Variants in DMD observed in about 807,000 individuals in gnomAD.
The protein encoded by DMD is mutant dystrophin.
Under a neutral mutation model 330.1 loss-of-function variants are expected in DMD, and 63 were observed. That is an observed-to-expected ratio of 0.19 (90% CI 0.16 to 0.24). The LOEUF is 0.24. Ranked by LOEUF, DMD falls within the 10% of genes least tolerant of loss-of-function variation. DMD has a pLI of 1.00. For synonymous variants in DMD, 1,223 were observed against 959.8 expected (o/e 1.27, Z -5.07); for missense variants, 3,344 against 2,684.1 (o/e 1.25, Z -5.43).
chrX:32,971,705 A>T, intron 2 of DMD, among the ~76,000 whole-genome samples: 1 of 110,808 alleles, frequency 9.0e-6, no homozygotes, highest in Non-Finnish European at 1.9e-5. Context: ...AATTTCTCTT[A>T]TAATTTTCTA....
intron 7 of DMD, among the ~76,000 whole-genome samples, chrX:32,733,099 C>G (rs1367161370): frequency 9.3e-6 from 1 of 107,437 alleles, no homozygotes; most frequent in Admixed American, 9.8e-5. Flanking sequence ...CAAAAAAAGG[C>G]AGGGGTTGCA....
At chrX:32,961,724 G>C (rs919269931) in intron 2 of DMD, among the ~76,000 whole-genome samples, 1 of 111,311 alleles carries the variant, frequency 9.0e-6, no homozygotes, top group African/African-American at 3.3e-5. Context: ...TGAGCTATTT[G>C]AAGGTACAGT....
chrX:32,683,387 T>G (rs969292948), intron 9 of DMD, among the ~76,000 whole-genome samples: 2 of 109,716 alleles, frequency 1.8e-5, no homozygotes, highest in African/African-American at 6.7e-5. Context: ...AGACTTGGAA[T>G]CAACCCAAAT....
intron 55 of DMD, among the ~76,000 whole-genome samples, chrX:31,512,565 T>C (rs1327136848): frequency 9.4e-6 from 1 of 106,044 alleles, no homozygotes; most frequent in East Asian, 2.9e-4. Context: ...CTAGCCAGTT[T>C]TCCCAGCACC....
At chrX:33,081,675 G>A (rs2094932336) in intron 1 of DMD, among the ~76,000 whole-genome samples, 1 of 112,180 alleles carries the variant, frequency 8.9e-6, no homozygotes, top group African/African-American at 3.2e-5. Flanking sequence ...TGATCTCCCA[G>A]TGGAGGGTGA....
At chrX:31,729,910 AT>A (rs1765227928) in intron 51 of DMD, among the ~76,000 whole-genome samples, 162 bp from the exon 52 acceptor site, 1 of 112,247 alleles carries the variant, frequency 8.9e-6, no homozygotes, top group African/African-American at 3.2e-5. Flanking sequence ...AACAGGAAAT[AT>A]GTTTCATTCT....
chrX:32,699,543 A>G (rs375312634), intron 7 of DMD, among the ~76,000 whole-genome samples: 1 of 111,759 alleles, frequency 8.9e-6, no homozygotes, highest in African/African-American at 3.2e-5. Context: ...ATTCCATATT[A>G]CTTTTTCCTA....
intron 1 of DMD, among the ~76,000 whole-genome samples, chrX:33,330,867 T>C (rs1402050916): frequency 8.9e-6 from 1 of 112,037 alleles, no homozygotes; most frequent in Admixed American, 9.5e-5. Context: ...TTGCCAGTTT[T>C]TCCACATCAC....
intron 54 of DMD, among the ~76,000 whole-genome samples, chrX:31,628,896 A>G (rs1205709767): frequency 3.1e-5 from 3 of 95,426 alleles, no homozygotes; most frequent in Non-Finnish European, 4.2e-5. Context: ...AACTCTAAAA[A>G]TGTATTCATA....
At chrX:32,674,030 T>C (rs1289526484) in intron 9 of DMD, among the ~76,000 whole-genome samples, 1 of 111,430 alleles carries the variant, frequency 9.0e-6, no homozygotes, top group Admixed American at 9.6e-5. Context: ...AGTAGAATAA[T>C]AAAGTAACAC....
At chrX:31,974,058 T>C (rs941820385) in intron 44 of DMD, among the ~76,000 whole-genome samples, 5 of 111,957 alleles carry the variant, frequency 4.5e-5, no homozygotes, top group Non-Finnish European at 9.4e-5. Context: ...GTGGTACATA[T>C]ACACCATGAA....
chrX:32,756,113 C>T (rs1358184651), intron 7 of DMD: 1 of 112,298 alleles, frequency 8.9e-6, no homozygotes, highest in East Asian at 2.8e-4. Flanking sequence ...ATCTTAGTAA[C>T]ATTTTCATAT....
intron 55 of DMD, among the ~76,000 whole-genome samples, chrX:31,536,709 A>G: frequency 9.0e-6 from 1 of 111,323 alleles, no homozygotes; most frequent in Non-Finnish European, 1.9e-5. Context: ...AGCTATGCCC[A>G]TCCTCCTTCC....
intron 2 of DMD, among the ~76,000 whole-genome samples, chrX:33,009,967 T>C (rs761181833): frequency 1.2e-4 from 7 of 60,648 alleles, no homozygotes; most frequent in African/African-American, 3.4e-4. Flanking sequence ...TATATACACA[T>C]ATGTGTGTAT....
chrX:33,118,876 C>A (rs2095406661), intron 1 of DMD, among the ~76,000 whole-genome samples: 1 of 112,023 alleles, frequency 8.9e-6, no homozygotes, highest in African/African-American at 3.2e-5. Context: ...CAAGATGCTA[C>A]TTTGACTTTT....
chrX:31,877,579 C>T (rs1308128554), intron 47 of DMD, among the ~76,000 whole-genome samples: 1 of 111,287 alleles, frequency 9.0e-6, no homozygotes, highest in Non-Finnish European at 1.9e-5. Context: ...ACAGAATGTC[C>T]ATGAATCATG....
At chrX:32,738,274 A>T (rs889517808) in intron 7 of DMD, among the ~76,000 whole-genome samples, 1 of 111,371 alleles carries the variant, frequency 9.0e-6, no homozygotes, top group African/African-American at 3.3e-5. Flanking sequence ...TTGCTTTTAA[A>T]ATCATCACTC....
intron 47 of DMD, among the ~76,000 whole-genome samples, chrX:31,895,635 G>C (rs1337074328): frequency 9.0e-6 from 1 of 111,592 alleles, no homozygotes; most frequent in African/African-American, 3.3e-5. Context: ...ATACAAAGTT[G>C]ACTTTAGAAG....
chrX:32,778,142 T>C (rs1159870008), intron 7 of DMD, among the ~76,000 whole-genome samples: 1 of 110,625 alleles, frequency 9.0e-6, no homozygotes, highest in Non-Finnish European at 1.9e-5. Flanking sequence ...GTTGATGTAA[T>C]TGTCCCATGA....
Sources: gnomAD v4.1 joint callset for allele counts (sites outside exome capture counted in the v4.1 genomes callset) on GRCh38, gnomAD v4.1.1 for gene constraint, MANE v1.5 for transcripts, NCBI Gene and HGNC (gene_info 2026-07-23, HGNC 2026-07-21) for gene names.